THOC1: variants seen among roughly 807,000 people sequenced by gnomAD.
THOC1 encodes THO complex subunit 1, also known as THO complex 1.
In THOC1, 29 loss-of-function variants were observed where a neutral mutation model predicts 97.3. The observed-to-expected ratio is 0.30, with a 90% CI of 0.22 to 0.41. THOC1 has a LOEUF of 0.41. Ranked by LOEUF, THOC1 falls within the 10% of genes least tolerant of loss-of-function variation. The pLI is 1.00. For missense variants in THOC1, 529 were observed against 761.9 expected (o/e 0.69, Z 3.60); for synonymous variants, 255 against 257.0 (o/e 0.99, Z 0.07).
intron 4 of THOC1, 54 bp from the exon 5 acceptor site, chr18:260,358 A>G: frequency 8.9e-7 from 1 of 1,118,590 alleles, no homozygotes; most frequent in South Asian, 1.8e-5. Context: ...AGAGTAGAAT[A>G]GCCTATGAAA....
At chr18:262,349 C>A (rs1324725079) in intron 4 of THOC1, among the ~76,000 whole-genome samples, 2 of 152,208 alleles carry the variant, frequency 1.3e-5, no homozygotes, top group South Asian at 4.1e-4. Flanking sequence ...CAATAAATAT[C>A]GGCCAAATTG....
chr18:253,493 A>G (rs2143276171), intron 8 of THOC1, among the ~76,000 whole-genome samples: 1 of 152,362 alleles, frequency 6.6e-6, no homozygotes, highest in African/African-American at 2.4e-5. Context: ...TCAGAATAGT[A>G]TGAATGACCT....
At position 239,019 on chromosome 18, in the gene THOC1, A is replaced by G. The variant is rs148161140; in HGVS notation, c.918+7305T>C. Among the ~76,000 whole-genome samples, 959 of 152,306 alleles carry G rather than the reference A, an allele frequency of 6.3e-3. 11 individuals carry two copies. Among genetic ancestry groups the G allele is most frequent in the African/African-American group, 0.022 (924 of 41,572 alleles). ...GCTAAAATGAAACTTTCTAATTAAC[A>G]TTGGTTATTTTGTTGTTACCTCTAT... On this transcript the variant is annotated intron_variant, in intron 11 of 20. Transcript: ENST00000261600.
intron 11 of THOC1, among the ~76,000 whole-genome samples, chr18:233,908 A>G (rs556572311): frequency 1.3e-5 from 2 of 152,216 alleles, no homozygotes; most frequent in Non-Finnish European, 2.9e-5. Context: ...TCCTTTGGGT[A>G]TAACTCAAAT....
rs143262878 is a variant in THOC1, at chr18:215,060, G to A, written c.1679-139C>T. The A allele has an allele frequency of 1.0e-3, 779 of 773,138 alleles. 17 individuals carry two copies. The East Asian group carries it at 0.02, about 20-fold the overall frequency. 47.9% of individuals were successfully genotyped at this position (773,138 alleles called of 1,614,324 possible). A position where few individuals can be genotyped will look rare whatever the true frequency, so the allele number is the denominator to read the frequency against. ...TAAACAATTATTTTTTATATTCTCCGTAAGTTGAATACCACTCTTAATAAG... is the reference window on the plus strand; with the variant it reads ...TAAACAATTATTTTTTATATTCTCCATAAGTTGAATACCACTCTTAATAAG... On this transcript the variant is annotated intron_variant, in intron 20 of 20. Coordinates refer to ENST00000261600, the MANE Select transcript of THOC1 (RefSeq NM_005131.3).
chr18:222,846 C>CTTAA (rs902316048), intron 17 of THOC1, among the ~76,000 whole-genome samples: 9 of 152,118 alleles, frequency 5.9e-5, no homozygotes, highest in African/African-American at 2.2e-4. Context: ...GTTTATCCTC[C>CTTAA]TTAAGTATTA....
chr18:241,099 C>T (rs1407752494), intron 11 of THOC1, among the ~76,000 whole-genome samples: 1 of 152,128 alleles, frequency 6.6e-6, no homozygotes, highest in Non-Finnish European at 1.5e-5. Flanking sequence ...CCACTGCTCA[C>T]CTCCTGCTGT....
intron 7 of THOC1, among the ~76,000 whole-genome samples, chr18:256,460 T>C (rs1321835987): frequency 2.0e-5 from 3 of 152,186 alleles, no homozygotes; most frequent in African/African-American, 4.8e-5. Flanking sequence ...CCTGAAGATA[T>C]GACAGAATTG....
At chr18:253,139 A>G (rs563558655) in intron 8 of THOC1, among the ~76,000 whole-genome samples, 18 of 152,320 alleles carry the variant, frequency 1.2e-4, no homozygotes, top group African/African-American at 4.3e-4. Flanking sequence ...GGCTGTGGGG[A>G]AAAAGGGCAG....
chr18:226,897 A>C lies in THOC1; in HGVS notation c.923T>G (p.Met308Arg). 6.2e-7 allele frequency: 1 copy of C among 1,606,998 alleles called. No homozygotes were observed. Among genetic ancestry groups the C allele is most frequent in the Non-Finnish European group, 8.5e-7 (1 of 1,176,628 alleles). ...GTTACTGTCACTCAGTTGTAAATCC[A>C]TCAGCTACTCAAGAAACAAGCAAAC... is the stretch of plus-strand genomic sequence containing the variant. ...FAKFLTSEKL[M>R]DLQLSDSNFR... Residue 308 changes from methionine (M) to arginine (R), a missense_variant, in exon 12 of 21, where the codon ATG becomes AGG. By Grantham distance (91) the Met-to-Arg change is moderately conservative. Coordinates refer to ENST00000261600, the MANE Select transcript of THOC1 (RefSeq NM_005131.3).
intron 17 of THOC1, among the ~76,000 whole-genome samples, chr18:221,470 C>G (rs1911074521): frequency 6.6e-6 from 1 of 151,984 alleles, no homozygotes; most frequent in Admixed American, 6.6e-5. Flanking sequence ...ATAATGCTTT[C>G]TGCTTTTAAG....
intron 9 of THOC1, among the ~76,000 whole-genome samples, chr18:249,491 A>G (rs540609552): frequency 2.2e-4 from 34 of 152,174 alleles, no homozygotes; most frequent in South Asian, 1.5e-3. Flanking sequence ...CTGAAACCCC[A>G]TCTCTACTAA....
intron 17 of THOC1, 122 bp downstream of exon 17, chr18:223,307 ACGCTGCTGTGC>A: frequency 3.3e-6 from 2 of 613,060 alleles, no homozygotes; most frequent in Non-Finnish European, 5.6e-6. Flanking sequence ...GGGAAGTTAC[ACGCTGCTGTGC>A]CAAAAGTCAA....
chr18:266,429 C>A (rs1237674600), intron 1 of THOC1, among the ~76,000 whole-genome samples: 1 of 152,188 alleles, frequency 6.6e-6, no homozygotes, highest in African/African-American at 2.4e-5. Flanking sequence ...AATGCAAAAT[C>A]TCAGGCTCCC....
chr18:244,151 CT>C (rs1912007411), intron 11 of THOC1, among the ~76,000 whole-genome samples: 1 of 152,110 alleles, frequency 6.6e-6, no homozygotes, highest in Non-Finnish European at 1.5e-5. Context: ...CTAAACATCT[CT>C]GCTTTCCCCT....
At chr18:243,685 T>G (rs1911988942) in intron 11 of THOC1, among the ~76,000 whole-genome samples, 1 of 152,296 alleles carries the variant, frequency 6.6e-6, no homozygotes, top group East Asian at 1.9e-4. Flanking sequence ...CTGATAATAT[T>G]AAACTGACAC....
intron 18 of THOC1, among the ~76,000 whole-genome samples, chr18:217,702 G>A (rs563730842): frequency 3.3e-5 from 5 of 151,182 alleles, no homozygotes; most frequent in South Asian, 2.1e-4. Flanking sequence ...GGTAAGTGCC[G>A]TGAAATAAAA....
At position 268,008 on chromosome 18, in the gene THOC1, C is replaced by T. The variant is rs1364351165; in HGVS notation, c.12G>A (p.Thr4=). Residue 4 remains threonine (T), a synonymous_variant, in exon 1 of 21, where the codon ACG becomes ACA. Transcript: ENST00000261600. MSP[T]PPLFSLPEAR... is the part of the protein sequence containing the mutation. ...CTTCGGGCAAACTGAAGAGCGGCGG[C>T]GTCGGAGACATCTTCTCGGCTGCGC... is the stretch of plus-strand genomic sequence containing the variant. 3.1e-6 allele frequency: 5 copies of T among 1,607,242 alleles called. No homozygotes were observed. The highest frequency in any genetic ancestry group is 4.2e-6 in the Non-Finnish European group (5 of 1,177,186).
rs766121777 is a variant in THOC1, at chr18:246,297, T to C, written c.918+27A>G. On this transcript the variant is annotated intron_variant, in intron 11 of 20. Coordinates refer to ENST00000261600, the MANE Select transcript of THOC1 (RefSeq NM_005131.3). ...AATAAAACAAGACCATTTCTTATTA[T>C]GCTTAATGAAAAAGAAAAACTTATA... The C allele has an allele frequency of 1.1e-5, 16 of 1,459,434 alleles. No individual in the cohort carries two copies. In the East Asian group the frequency reaches 1.2e-4, roughly 11 times the overall value. The allele number at this position is 1,459,434 out of a possible 1,614,324, so 90.4% of individuals were successfully genotyped here.
Sources: gnomAD v4.1 joint callset for allele counts (sites outside exome capture counted in the v4.1 genomes callset) on GRCh38, gnomAD v4.1.1 for gene constraint, MANE v1.5 for transcripts, NCBI Gene and HGNC (gene_info 2026-07-23, HGNC 2026-07-21) for gene names.